The following ADAMTSL1 variants were observed in gnomAD, a reference collection of about 807,000 sequenced individuals.
ADAMTSL1 encodes the protein ADAMTS-like protein 1.
ADAMTSL1 carries 126 observed loss-of-function variants against 201.8 expected under a neutral mutation model. The observed-to-expected ratio is 0.62, with a 90% confidence interval of 0.54 to 0.72. The LOEUF (loss-of-function observed/expected upper bound fraction) is 0.72. Ranked by LOEUF, ADAMTSL1 falls within the 30% of genes least tolerant of loss-of-function variation. ADAMTSL1 has a pLI of 0.00. For missense variants in ADAMTSL1, 2,679 were observed against 2,277.8 expected (o/e 1.18, Z -3.59); for synonymous variants, 1,121 against 903.4 (o/e 1.24, Z -4.32).
At chr9:18,304,980 G>A (rs188244269) in intron 2 of ADAMTSL1, among the ~76,000 whole-genome samples, 1 of 152,334 alleles carries the variant, frequency 6.6e-6, no homozygotes, top group Admixed American at 6.5e-5. Flanking sequence ...GAAGGCAGGT[G>A]ATTTCTGCAT....
intron 2 of ADAMTSL1, among the ~76,000 whole-genome samples, chr9:18,369,018 C>A (rs759723528): frequency 9.2e-5 from 14 of 152,158 alleles, no homozygotes; most frequent in Non-Finnish European, 1.6e-4. Context: ...TCTTCACTTG[C>A]AGATGTGTCT....
At chr9:18,085,589 T>C (rs923855954) in intron 1 of ADAMTSL1, among the ~76,000 whole-genome samples, 9 of 144,256 alleles carry the variant, frequency 6.2e-5, no homozygotes, top group African/African-American at 2.1e-4. Flanking sequence ...ACTGTGTGTG[T>C]GTATACGTAT....
Position 18,866,116 on chromosome 9 carries a change from C to CAAAAAAAAAAAAAAAAA in ADAMTSL1, c.4250-21701_4250-21700insAAAAAAAAAAAAAAAAA, listed in dbSNP as rs76778655. ...AGAGAGATTGCTTGCCTTCAAAAAC[C>CAAAAAAAAAAAAAAAAA]AAAAAAAAAAAAAATGACGGATACT... On this transcript the variant is annotated intron_variant, in intron 23 of 28. Transcript: ENST00000380548. Among the ~76,000 whole-genome samples the CAAAAAAAAAAAAAAAAA allele has an allele frequency of 5.0e-3, 391 of 78,440 alleles. 31 individuals are homozygous for CAAAAAAAAAAAAAAAAA. Among genetic ancestry groups the CAAAAAAAAAAAAAAAAA allele is most frequent in the South Asian group, 0.04 (74 of 1,856 alleles). 51.5% of individuals were successfully genotyped at this position (78,440 alleles called of 152,430 possible). A position where few individuals can be genotyped will look rare whatever the true frequency, so the allele number is the denominator to read the frequency against.
chr9:17,947,345 A>ACACACACACACC (rs1554668687), intron 1 of ADAMTSL1, among the ~76,000 whole-genome samples: 6 of 147,108 alleles, frequency 4.1e-5, no homozygotes, highest in East Asian at 4.0e-4. Context: ...ACACACACAC[A>ACACACACACACC]CCCCACTATG....
At chr9:18,255,970 C>T (rs1831667973) in intron 2 of ADAMTSL1, among the ~76,000 whole-genome samples, 1 of 152,166 alleles carries the variant, frequency 6.6e-6, no homozygotes, top group South Asian at 2.1e-4. Flanking sequence ...ATCAAAGAGC[C>T]CTGTTTTTGA....
intron 2 of ADAMTSL1, among the ~76,000 whole-genome samples, chr9:18,439,680 A>T (rs146153586): frequency 0.012 from 1,824 of 152,266 alleles, 23 homozygotes; most frequent in African/African-American, 0.031. Flanking sequence ...TAACTTTTTT[A>T]AAAAATGAAG....
chr9:18,356,936 G>A lies in ADAMTSL1; in HGVS notation c.208-147893G>A, dbSNP rs143461743. On this transcript the variant is annotated intron_variant, in intron 2 of 29. Transcript: ENST00000680146. ...CTGAGTTTAAAGTCCATCACTCCTA[G>A]TACAACTTGTCCTGGCTGATTCCTA... is the stretch of plus-strand genomic sequence containing the variant. Among the ~76,000 whole-genome samples the A allele has an allele frequency of 2.4e-3, 367 of 152,248 alleles. 1 individual carries two copies. The highest frequency in any genetic ancestry group is 3.8e-3 in the Non-Finnish European group (258 of 68,008).
At chr9:18,357,250 A>AT (rs1181824148) in intron 2 of ADAMTSL1, among the ~76,000 whole-genome samples, 1 of 152,010 alleles carries the variant, frequency 6.6e-6, no homozygotes, top group East Asian at 1.9e-4. Context: ...CAAGCAAAGT[A>AT]TTTTTTTTCA....
At chr9:18,395,204 T>G (rs940004168) in intron 2 of ADAMTSL1, among the ~76,000 whole-genome samples, 5 of 152,192 alleles carry the variant, frequency 3.3e-5, no homozygotes, top group Non-Finnish European at 5.9e-5. Flanking sequence ...AACAGTAAGA[T>G]CTGTAAACTG....
At chr9:18,302,905 G>T (rs993751876) in intron 2 of ADAMTSL1, among the ~76,000 whole-genome samples, 1 of 152,072 alleles carries the variant, frequency 6.6e-6, no homozygotes, top group Non-Finnish European at 1.5e-5. Flanking sequence ...GGTGTATATG[G>T]GAAAGAGAAA....
chr9:17,984,507 T>C lies in ADAMTSL1; in HGVS notation c.87+77585T>C, dbSNP rs1432074034. 3.3e-5 allele frequency among the ~76,000 whole-genome samples: 5 copies of C among 152,172 alleles called. No individual in the cohort carries two copies. In the East Asian group the frequency reaches 9.6e-4, roughly 29 times the overall value. ...TTGTATCCCATTATAGGGATTTATATGAAGTATGTACCAATTGACAAGTTA... is the reference window on the plus strand; with the variant it reads ...TTGTATCCCATTATAGGGATTTATACGAAGTATGTACCAATTGACAAGTTA... On this transcript the variant is annotated intron_variant, in intron 1 of 29. Coordinates refer to the ADAMTSL1 transcript ENST00000680146.
intron 2 of ADAMTSL1, among the ~76,000 whole-genome samples, chr9:18,246,465 A>C (rs1217498224): frequency 6.6e-6 from 1 of 152,192 alleles, no homozygotes; most frequent in East Asian, 1.9e-4. Flanking sequence ...TAAAAACATC[A>C]GATACAAGAA....
intron 1 of ADAMTSL1, among the ~76,000 whole-genome samples, chr9:18,008,961 C>A (rs1395266855): frequency 6.6e-6 from 1 of 151,982 alleles, no homozygotes; most frequent in African/African-American, 2.4e-5. Flanking sequence ...CATCATCGAT[C>A]CAAAGGAAGA....
rs1249295644 is a variant in ADAMTSL1 at position 18,341,629 on chromosome 9, G to A, written c.208-163200G>A. Among the ~76,000 whole-genome samples the A allele has an allele frequency of 2.0e-5, 3 of 152,098 alleles. No homozygotes were observed. In the East Asian group the frequency reaches 5.8e-4, roughly 29 times the overall value. ...TACATAATTTATAAGTATTTAATAA[G>A]TATTTAGTTGAATAGCATAAACTGA... is the stretch of plus-strand genomic sequence containing the variant. On this transcript the variant is annotated intron_variant, in intron 2 of 29. Coordinates refer to the ADAMTSL1 transcript ENST00000680146.
At chr9:18,069,196 G>T (rs993230176) in intron 1 of ADAMTSL1, among the ~76,000 whole-genome samples, 7 of 152,118 alleles carry the variant, frequency 4.6e-5, no homozygotes, top group Admixed American at 3.9e-4. Flanking sequence ...ATATCTCAAA[G>T]ACTTAGTATA....
intron 2 of ADAMTSL1, among the ~76,000 whole-genome samples, chr9:18,287,115 C>A (rs78664954): frequency 6.6e-6 from 1 of 152,206 alleles, no homozygotes; most frequent in African/African-American, 2.4e-5. Flanking sequence ...CTGCAGCCTC[C>A]CTCCAGGATC....
intron 1 of ADAMTSL1, among the ~76,000 whole-genome samples, chr9:18,024,858 G>A (rs182172360): frequency 1.3e-5 from 2 of 152,246 alleles, no homozygotes; most frequent in African/African-American, 2.4e-5. Context: ...TTTCCAGAGA[G>A]GGTGAACTAA....
intron 7 of ADAMTSL1, among the ~76,000 whole-genome samples, chr9:18,650,346 A>G (rs1279366767): frequency 6.6e-6 from 1 of 152,148 alleles, no homozygotes; most frequent in Non-Finnish European, 1.5e-5. Flanking sequence ...GCACTTCCTG[A>G]GTGAGGCAAT....
chr9:18,441,048 T>C (rs1015287648), intron 2 of ADAMTSL1, among the ~76,000 whole-genome samples: 1 of 152,236 alleles, frequency 6.6e-6, no homozygotes, highest in African/African-American at 2.4e-5. Flanking sequence ...CATTATGCTA[T>C]GTGAAAGAAG....
Sources: gnomAD v4.1 joint callset for allele counts (sites outside exome capture counted in the v4.1 genomes callset) on GRCh38, gnomAD v4.1.1 for gene constraint, MANE v1.5 for transcripts, NCBI Gene and HGNC (gene_info 2026-07-23, HGNC 2026-07-21) for gene names.